Variants in DNAH14 observed in about 807,000 individuals in gnomAD.
DNAH14 encodes dynein axonemal heavy chain 14, also known as axonemal beta dynein heavy chain 14.
DNAH14 carries 478 observed loss-of-function variants against 520.9 expected under a neutral mutation model. The ratio of observed to expected loss-of-function variants is 0.92; its 90% CI spans 0.85 to 0.99. The LOEUF (loss-of-function observed/expected upper bound fraction) is 0.99, where lower values mean the gene tolerates loss of function less well. Among genes scored for constraint, DNAH14 ranks in the 50% least tolerant of loss-of-function variants. DNAH14 has a pLI of 0.00. For synonymous variants in DNAH14, 1,581 were observed against 1,757.2 expected, an observed-to-expected ratio of 0.90 and a Z score of 2.51; for missense variants, 4,831 against 5,234.5, an observed-to-expected ratio of 0.92 and a Z score of 2.38.
intron 27 of DNAH14, among the ~76,000 whole-genome samples, chr1:225,134,284 G>T (rs1192063031): frequency 5.3e-5 from 8 of 152,126 alleles, no homozygotes; most frequent in Non-Finnish European, 1.2e-4. Context: ...TGGTGAGAGA[G>T]GGCATCCTTG....
intron 46 of DNAH14, 85 bp from the exon 47 acceptor site, chr1:225,264,112 A>G: frequency 8.6e-7 from 1 of 1,157,558 alleles, no homozygotes; most frequent in Non-Finnish European, 1.2e-6. Flanking sequence ...AAAATTCACA[A>G]TATGCTGTTA....
chr1:225,007,988 A>G (rs753361923), intron 10 of DNAH14, among the ~76,000 whole-genome samples: 1 of 150,248 alleles, frequency 6.7e-6, no homozygotes, highest in Non-Finnish European at 1.5e-5. Flanking sequence ...GGTTTGTTAC[A>G]TGGGTATACA....
At chr1:225,290,799 T>G (rs998816133) in intron 55 of DNAH14, among the ~76,000 whole-genome samples, 1 of 150,702 alleles carries the variant, frequency 6.6e-6, no homozygotes, top group Admixed American at 6.7e-5. Flanking sequence ...TATAGTGATG[T>G]TTCAATACAT....
chr1:225,259,540 T>C (rs2149758578), intron 46 of DNAH14, among the ~76,000 whole-genome samples: 1 of 152,324 alleles, frequency 6.6e-6, no homozygotes, highest in Non-Finnish European at 1.5e-5. Context: ...TCACATACCA[T>C]TACCTCACAT....
At chr1:225,057,879 C>A (rs571517584) in intron 17 of DNAH14, among the ~76,000 whole-genome samples, 2 of 152,294 alleles carry the variant, frequency 1.3e-5, no homozygotes, top group African/African-American at 4.8e-5. Flanking sequence ...GGCATGAAGC[C>A]CACTTGATCA....
intron 41 of DNAH14, among the ~76,000 whole-genome samples, chr1:225,230,413 A>G (rs1263659585): frequency 6.6e-6 from 1 of 152,174 alleles, no homozygotes; most frequent in Admixed American, 6.5e-5. Flanking sequence ...ATGCATCAAC[A>G]TATTACTAGT....
chr1:224,965,460 T>C (rs755981363), intron 5 of DNAH14, among the ~76,000 whole-genome samples: 16 of 151,918 alleles, frequency 1.1e-4, no homozygotes, highest in Non-Finnish European at 2.4e-4. Flanking sequence ...TAATAAATAT[T>C]TTAGATTTTG....
intron 17 of DNAH14, among the ~76,000 whole-genome samples, chr1:225,063,434 T>C (rs919981031): frequency 9.2e-5 from 14 of 152,156 alleles, no homozygotes; most frequent in Admixed American, 8.5e-4. Flanking sequence ...AAAAACACTT[T>C]CCATTTGTGG....
At chr1:225,023,433 T>A (rs757802349) in intron 10 of DNAH14, among the ~76,000 whole-genome samples, 182 bp from the exon 11 acceptor site, 2 of 151,928 alleles carry the variant, frequency 1.3e-5, no homozygotes, top group African/African-American at 2.4e-5. Context: ...TTTAGAATTC[T>A]ATTTTAATTT....
At position 225,117,803 on chromosome 1, in the gene DNAH14, C is replaced by A; in HGVS notation, c.3972+15C>A. Reference sequence around the variant, plus strand: ...AGTCTGTACAGGTAATAACATCTTTCTCTGCTCAGCAATATTATATTAGCG... The same window carrying A: ...AGTCTGTACAGGTAATAACATCTTTATCTGCTCAGCAATATTATATTAGCG... On this transcript the variant is annotated intron_variant, in intron 24 of 85. Coordinates refer to ENST00000682510, the MANE Select transcript of DNAH14 (RefSeq NM_001367479.1). 1 of 1,532,964 alleles carries A rather than the reference C, an allele frequency of 6.5e-7. No homozygotes were observed. Among genetic ancestry groups the A allele is most frequent in the Non-Finnish European group, 8.8e-7 (1 of 1,131,186 alleles). The allele number at this position is 1,532,964 out of a possible 1,614,324, so 95.0% of individuals were successfully genotyped here.
At chr1:225,331,264 A>C (rs1271002827) in intron 64 of DNAH14, among the ~76,000 whole-genome samples, 173 bp from the exon 65 acceptor site, 3 of 152,236 alleles carry the variant, frequency 2.0e-5, no homozygotes, top group Admixed American at 6.5e-5. Flanking sequence ...AATATCAATG[A>C]ATCATTTCAT....
intron 17 of DNAH14, among the ~76,000 whole-genome samples, chr1:225,066,564 A>G (rs928455591): frequency 2.0e-5 from 3 of 151,904 alleles, no homozygotes; most frequent in African/African-American, 7.3e-5. Context: ...TAAGTTCTTT[A>G]GTGGTGATTT....
At chr1:224,964,674 T>C in intron 5 of DNAH14, 65 bp downstream of exon 5, 1 of 1,294,046 alleles carries the variant, frequency 7.7e-7, no homozygotes, top group South Asian at 1.9e-5. Flanking sequence ...TTTTAATTTT[T>C]ATTTCATTTC....
intron 41 of DNAH14, among the ~76,000 whole-genome samples, chr1:225,214,817 G>C (rs1324616280): frequency 6.6e-6 from 1 of 151,896 alleles, no homozygotes; most frequent in Non-Finnish European, 1.5e-5. Flanking sequence ...TATTAGTCTT[G>C]CTAGCAGTCT....
chr1:225,190,697 T>G (rs2085309412), intron 37 of DNAH14, among the ~76,000 whole-genome samples: 1 of 151,946 alleles, frequency 6.6e-6, no homozygotes, highest in East Asian at 1.9e-4. Flanking sequence ...ACATTAGAGG[T>G]GTGTGTATGC....
intron 54 of DNAH14, among the ~76,000 whole-genome samples, chr1:225,279,757 G>A (rs746777144): frequency 4.6e-5 from 7 of 151,894 alleles, no homozygotes; most frequent in Non-Finnish European, 1.0e-4. Flanking sequence ...AAAATTACAA[G>A]ACATGAAAAC....
chr1:225,295,669 T>C (rs1402133165), intron 55 of DNAH14, among the ~76,000 whole-genome samples: 1 of 152,238 alleles, frequency 6.6e-6, no homozygotes, highest in Non-Finnish European at 1.5e-5. Flanking sequence ...TGTTCTAACA[T>C]GTAGTCAGTC....
Position 225,194,820 on chromosome 1 carries a change from GA to G in DNAH14, c.5886+1916del, listed in dbSNP as rs1208920698. On this transcript the variant is annotated intron_variant, in intron 38 of 85. Coordinates refer to ENST00000682510, the MANE Select transcript of DNAH14 (RefSeq NM_001367479.1). ...ATAAGAAACTTAAACAAATTGGCAAGAAAAAAACATCCCCACTAAAAAGTGG... is the reference window on the plus strand; with the variant it reads ...ATAAGAAACTTAAACAAATTGGCAAGAAAAAACATCCCCACTAAAAAGTGG... 2.0e-5 allele frequency among the ~76,000 whole-genome samples: 3 copies of G among 151,782 alleles called. No homozygotes were observed. The East Asian group carries it at 5.8e-4, about 29-fold the overall frequency.
chr1:225,343,360 T>C (rs1343046280), intron 69 of DNAH14, among the ~76,000 whole-genome samples: 1 of 152,164 alleles, frequency 6.6e-6, no homozygotes, highest in Non-Finnish European at 1.5e-5. Flanking sequence ...CTTACGAGAC[T>C]TTACATTTTG....
Sources: allele counts gnomAD v4.1 joint callset (sites outside exome capture counted in the v4.1 genomes callset), GRCh38; gene constraint gnomAD v4.1.1; transcripts MANE v1.5; gene names NCBI Gene and HGNC (gene_info 2026-07-23, HGNC 2026-07-21).